SPATA13: variants seen among roughly 807,000 people sequenced by gnomAD.
SPATA13 encodes the protein spermatogenesis associated 13.
A neutral mutation model predicts 104.0 loss-of-function variants in SPATA13; 50 were observed. That is an observed-to-expected ratio of 0.48 (90% CI 0.38 to 0.61). The LOEUF is 0.61. Among genes scored for constraint, SPATA13 ranks in the 20% least tolerant of loss-of-function variants. SPATA13 has a pLI of 0.00. For synonymous variants in SPATA13, 606 were observed against 667.5 expected (o/e 0.91, Z 1.42); for missense variants, 1,524 against 1,690.6 (o/e 0.90, Z 1.73).
In SPATA13 at chr13:24,006,974, C is replaced by A. The variant is rs1472151709; in HGVS notation, c.-146-10693C>A. On this transcript the variant is annotated intron_variant, in intron 2 of 14. Coordinates refer to the SPATA13 transcript ENST00000424834. The stretch of plus-strand genomic sequence containing the variant: ...TTTGTCATTCTGGGCCAGCCTCCCC[C>A]ATCCTGTGCACCCCTCCTTCCTTCC... Among the ~76,000 whole-genome samples, 7 of 152,304 alleles carry A rather than the reference C, an allele frequency of 4.6e-5. No individual in the cohort carries two copies. In the East Asian group the frequency reaches 7.7e-4, roughly 17 times the overall value.
chr13:24,084,386 G>A (rs952834609), intron 3 of SPATA13, among the ~76,000 whole-genome samples: 1 of 152,216 alleles, frequency 6.6e-6, no homozygotes. Flanking sequence ...CTTAAGATGG[G>A]CAGGATGCCC....
intron 3 of SPATA13, among the ~76,000 whole-genome samples, chr13:24,081,739 T>C (rs1322135635): frequency 1.3e-5 from 2 of 152,174 alleles, no homozygotes; most frequent in Non-Finnish European, 2.9e-5. Context: ...GCACACTATG[T>C]TTTAAAGACC....
intron 7 of SPATA13, among the ~76,000 whole-genome samples, chr13:24,287,154 C>G (rs942289404): frequency 6.6e-6 from 1 of 151,964 alleles, no homozygotes; most frequent in Middle Eastern, 3.2e-3. Context: ...GTCAGGGTCT[C>G]TTTTCAGAGA....
At chr13:24,192,696 G>A (rs1869830549) in intron 1 of SPATA13, among the ~76,000 whole-genome samples, 1 of 152,132 alleles carries the variant, frequency 6.6e-6, no homozygotes, top group Admixed American at 6.5e-5. Context: ...AGGCTTACCC[G>A]CTTCTACGGT....
intron 3 of SPATA13, among the ~76,000 whole-genome samples, chr13:24,058,831 TCAACCCCA>T (rs1274516355): frequency 6.6e-6 from 1 of 151,832 alleles, no homozygotes; most frequent in Non-Finnish European, 1.5e-5. Flanking sequence ...CAGAGTGTCT[TCAACCCCA>T]CGGAAGTTGT....
rs1342484345 is a variant in SPATA13 at position 24,304,464 on chromosome 13, T to A, written c.*1691T>A. On this transcript the variant is annotated 3_prime_UTR_variant, in exon 13 of 13. Coordinates refer to ENST00000382108, the MANE Select transcript of SPATA13 (RefSeq NM_001166271.3). ...TTTTGTATGCTATCCCTGCAGTTTT[T>A]TTTTTTCTAACAGGCCCATGTTTGA... 1.3e-5 allele frequency: 2 copies of A among 152,156 alleles called. No homozygotes were observed. The highest frequency in any genetic ancestry group is 2.9e-5 in the Non-Finnish European group (2 of 68,018). 9.4% of individuals were successfully genotyped at this position (152,156 alleles called of 1,614,324 possible). A position where few individuals can be genotyped will look rare whatever the true frequency, so the allele number is the denominator to read the frequency against.
At chr13:24,196,771 C>T (rs1189898113) in intron 1 of SPATA13, among the ~76,000 whole-genome samples, 5 of 152,088 alleles carry the variant, frequency 3.3e-5, no homozygotes, top group African/African-American at 9.7e-5. Flanking sequence ...CAGCCTAGTA[C>T]ATGTCGGGCA....
At chr13:24,090,722 C>T (rs1329636741) in intron 3 of SPATA13, among the ~76,000 whole-genome samples, 1 of 152,216 alleles carries the variant, frequency 6.6e-6, no homozygotes, top group Non-Finnish European at 1.5e-5. Flanking sequence ...GACATGACCT[C>T]CTCCAGTGAT....
In SPATA13 at chr13:24,171,171, C is replaced by T. The variant is rs188251715; in HGVS notation, c.-112+10239C>T. ...AGACGTTCAACAGCCGCTGACTGCT[C>T]ACTAGAGCTGGGTGGTTTTAGATCC... On this transcript the variant is annotated intron_variant, in intron 1 of 12. Coordinates refer to ENST00000382108, the MANE Select transcript of SPATA13 (RefSeq NM_001166271.3). 7.2e-5 allele frequency among the ~76,000 whole-genome samples: 11 copies of T among 152,242 alleles called. No homozygotes were observed. In the East Asian group the frequency reaches 2.1e-3, roughly 30 times the overall value.
chr13:24,219,557 A>G (rs1871456348), intron 1 of SPATA13, among the ~76,000 whole-genome samples: 1 of 152,262 alleles, frequency 6.6e-6, no homozygotes, highest in Non-Finnish European at 1.5e-5. Context: ...AGTTAAATCT[A>G]AGTGTGCAAA....
intron 3 of SPATA13, among the ~76,000 whole-genome samples, chr13:24,063,420 T>C (rs1039750007): frequency 2.0e-5 from 3 of 152,200 alleles, no homozygotes; most frequent in African/African-American, 7.2e-5. Context: ...TATTGAGTTA[T>C]CACAGTGCTT....
At chr13:24,050,466 G>A (rs1243699272) in intron 3 of SPATA13, among the ~76,000 whole-genome samples, 4 of 152,114 alleles carry the variant, frequency 2.6e-5, no homozygotes, top group Admixed American at 6.5e-5. Flanking sequence ...GCCTCATGCT[G>A]TATAGGATTC....
chr13:24,226,813 C>T (rs1871966532), intron 2 of SPATA13, among the ~76,000 whole-genome samples: 1 of 152,182 alleles, frequency 6.6e-6, no homozygotes, highest in Non-Finnish European at 1.5e-5. Flanking sequence ...ACAGACAGAC[C>T]TGGTTAGTAG....
At chr13:24,135,717 A>G (rs1388558071) in intron 3 of SPATA13, among the ~76,000 whole-genome samples, 1 of 150,980 alleles carries the variant, frequency 6.6e-6, no homozygotes, top group Admixed American at 6.6e-5. Context: ...AAAAAAAAAA[A>G]AGAGTATTTT....
intron 1 of SPATA13, among the ~76,000 whole-genome samples, chr13:24,173,365 T>TGTG (rs1019900990): frequency 7.9e-4 from 3 of 3,804 alleles, no homozygotes; most frequent in African/African-American, 8.7e-4. Context: ...TTCTTAGTTG[T>TGTG]GTGTGTGTGT....
intron 1 of SPATA13, among the ~76,000 whole-genome samples, chr13:24,221,938 G>T (rs764037229): frequency 6.6e-6 from 1 of 151,056 alleles, no homozygotes; most frequent in Non-Finnish European, 1.5e-5. Context: ...TCAGCCTCCC[G>T]AGTAGCTAGG....
chr13:24,000,904 G>T (rs2137672315), intron 2 of SPATA13, among the ~76,000 whole-genome samples: 1 of 152,250 alleles, frequency 6.6e-6, no homozygotes, highest in Middle Eastern at 3.4e-3. Flanking sequence ...GTGAATTCGG[G>T]AGATTCCCTG....
chr13:24,286,620 C>G lies in SPATA13; in HGVS notation c.2482-145C>G, dbSNP rs1471464517. 7.1e-6 allele frequency: 6 copies of G among 844,106 alleles called. No homozygotes were observed. The highest frequency in any genetic ancestry group is 1.1e-5 in the Non-Finnish European group (6 of 554,756). 52.3% of individuals were successfully genotyped at this position (844,106 alleles called of 1,614,324 possible). A position where few individuals can be genotyped will look rare whatever the true frequency, so the allele number is the denominator to read the frequency against. ...TCGTGCCTGCTGGCATAGCCGCAGCCCTGCTGAGGCCATGAGACTCAGGCG... is the reference window on the plus strand; with the variant it reads ...TCGTGCCTGCTGGCATAGCCGCAGCGCTGCTGAGGCCATGAGACTCAGGCG... On this transcript the variant is annotated intron_variant, in intron 6 of 12. Coordinates refer to ENST00000382108, the MANE Select transcript of SPATA13 (RefSeq NM_001166271.3). This position sits in a 1 kb window ranked among gnomAD's most constrained non-coding sequence, Gnocchi z 4.9.
intron 2 of SPATA13, among the ~76,000 whole-genome samples, chr13:24,001,441 G>A (rs570261634): frequency 1.3e-5 from 2 of 152,010 alleles, no homozygotes; most frequent in South Asian, 2.1e-4. Flanking sequence ...GGTGGGGTTC[G>A]GTGGGGCTGG....
Sources: allele counts gnomAD v4.1 joint callset (sites outside exome capture counted in the v4.1 genomes callset), GRCh38; gene constraint gnomAD v4.1.1; non-coding constraint Gnocchi (gnomAD v3.1); transcripts MANE v1.5; gene names NCBI Gene and HGNC (gene_info 2026-07-23, HGNC 2026-07-21).